The following SLC22A15 variants were observed in gnomAD, a reference collection of about 807,000 sequenced individuals.
The protein encoded by SLC22A15 is solute carrier family 22 member 15, also known as flipt 1.
In SLC22A15, 45 loss-of-function variants were observed where a neutral mutation model predicts 62.7. The observed-to-expected ratio is 0.72, with a 90% confidence interval of 0.56 to 0.92. The LOEUF (loss-of-function observed/expected upper bound fraction) is 0.92, where lower values mean the gene tolerates loss of function less well. Ranked by LOEUF, SLC22A15 falls within the 40% of genes least tolerant of loss-of-function variation. The probability of loss-of-function intolerance (pLI) is 0.00; values close to 1 mark genes in which losing one functional copy is unlikely to be tolerated. For missense variants in SLC22A15, 622 were observed against 665.6 expected (o/e 0.93, Z 0.72); for synonymous variants, 264 against 267.0 (o/e 0.99, Z 0.11).
At chr1:116,004,287 C>A (rs1419585602) in intron 2 of SLC22A15, among the ~76,000 whole-genome samples, 4 of 152,160 alleles carry the variant, frequency 2.6e-5, no homozygotes, top group African/African-American at 9.7e-5. Context: ...TTTGGTAATA[C>A]TTTCTTTTGT....
At chr1:116,037,429 T>C in intron 8 of SLC22A15, 41 bp downstream of exon 8, 1 of 1,367,414 alleles carries the variant, frequency 7.3e-7, no homozygotes. Flanking sequence ...GAACAGTACT[T>C]TCATTACAAT....
chr1:115,993,566 G>A (rs556831636), intron 2 of SLC22A15, among the ~76,000 whole-genome samples: 1 of 152,176 alleles, frequency 6.6e-6, no homozygotes, highest in South Asian at 2.1e-4. Flanking sequence ...CTAAAAAAAG[G>A]GGAGACATGC....
chr1:116,060,880 AG>A (rs1415043415), intron 8 of SLC22A15, among the ~76,000 whole-genome samples: 8 of 152,220 alleles, frequency 5.3e-5, no homozygotes, highest in Non-Finnish European at 1.2e-4. Context: ...GAAGAGTTTG[AG>A]AAAGCAGCTC....
intron 8 of SLC22A15, among the ~76,000 whole-genome samples, chr1:116,054,550 G>A (rs888295209): frequency 2.6e-5 from 4 of 152,162 alleles, no homozygotes; most frequent in African/African-American, 9.7e-5. Context: ...TCTGCACCAA[G>A]CTGACCTAAT....
chr1:116,057,505 C>G (rs1216176695), intron 8 of SLC22A15, among the ~76,000 whole-genome samples: 3 of 152,150 alleles, frequency 2.0e-5, no homozygotes, highest in Non-Finnish European at 4.4e-5. Flanking sequence ...GTGGCGATTC[C>G]TCAGGGATCT....
rs1418856581 is a variant in SLC22A15, at chr1:116,060,225, G to A, written c.1172-2537G>A. ...TCTCATAACCAAAACTGTCTGAAAT[G>A]GACATGGGCTATTTTGAGGAAAAAG... On this transcript the variant is annotated intron_variant, in intron 8 of 11. Transcript: ENST00000369503. Among the ~76,000 whole-genome samples the A allele has an allele frequency of 1.8e-4, 28 of 152,224 alleles. 1 individual carries two copies. Among genetic ancestry groups the A allele is most frequent in the Non-Finnish European group, 1.5e-5 (1 of 68,046 alleles).
chr1:116,027,687 G>A (rs1271030997), intron 5 of SLC22A15, among the ~76,000 whole-genome samples: 1 of 151,860 alleles, frequency 6.6e-6, no homozygotes, highest in Non-Finnish European at 1.5e-5. Context: ...GTGCAATGGT[G>A]TGATCTCGGC....
intron 8 of SLC22A15, among the ~76,000 whole-genome samples, chr1:116,055,554 A>G (rs1390091775): frequency 6.7e-6 from 1 of 148,900 alleles, no homozygotes; most frequent in Admixed American, 6.7e-5. Context: ...AAGTCATTTT[A>G]TGAGGCCAGC....
intron 2 of SLC22A15, chr1:116,013,913 C>T (rs1314309839): frequency 1.3e-5 from 2 of 152,296 alleles, no homozygotes; most frequent in Admixed American, 6.5e-5. Flanking sequence ...AATCCTTTCT[C>T]TTCTGGAAGT....
Position 116,019,619 on chromosome 1 carries a change from C to T in SLC22A15, c.338C>T (p.Ala113Val), listed in dbSNP as rs374357507. 1.9e-6 allele frequency: 3 copies of T among 1,612,846 alleles called. No homozygotes were observed. Among genetic ancestry groups the T allele is most frequent in the Non-Finnish European group, 2.5e-6 (3 of 1,179,524 alleles). Residue 113 changes from alanine (A) to valine (V), a missense_variant, in exon 3 of 12, where the codon GCA becomes GTA. Coordinates refer to ENST00000369503, the MANE Select transcript of SLC22A15 (RefSeq NM_018420.3). ...LIANRSYKVSAASSFFFSGVF... is the reference protein window; with the variant it reads ...LIANRSYKVSVASSFFFSGVF... The stretch of plus-strand genomic sequence containing the variant: ...GCCAACAGATCCTACAAAGTCAGTG[C>T]AGCAAGCTCTTTTTTCTTCAGTGGT...
intron 4 of SLC22A15, among the ~76,000 whole-genome samples, chr1:116,026,519 C>T (rs1353300368): frequency 6.6e-6 from 1 of 152,116 alleles, no homozygotes; most frequent in Non-Finnish European, 1.5e-5. Flanking sequence ...TTGCAATAAC[C>T]TCATGACCTG....
At position 116,052,723 on chromosome 1, in the gene SLC22A15, A is replaced by G. The variant is rs911712356; in HGVS notation, c.1172-10039A>G. Reference sequence around the variant, plus strand: ...CTGAGACAAAACTTCCAGAGGAATGATCAGACAGCAGCATTCGCGGTTCAC... The same window carrying G: ...CTGAGACAAAACTTCCAGAGGAATGGTCAGACAGCAGCATTCGCGGTTCAC... On this transcript the variant is annotated intron_variant, in intron 8 of 11. Coordinates refer to ENST00000369503, the MANE Select transcript of SLC22A15 (RefSeq NM_018420.3). Among the ~76,000 whole-genome samples, 19 of 152,192 alleles carry G rather than the reference A, an allele frequency of 1.2e-4. No individual in the cohort carries two copies. In the East Asian group the frequency reaches 3.7e-3, roughly 29 times the overall value.
chr1:116,031,880 C>T, intron 6 of SLC22A15: 6 of 1,167,192 alleles, frequency 5.1e-6, no homozygotes, highest in Non-Finnish European at 6.4e-6. Flanking sequence ...CCTTCCTGCC[C>T]CTTCCCCTGC....
intron 2 of SLC22A15, among the ~76,000 whole-genome samples, chr1:115,997,305 A>C (rs1343993898): frequency 6.6e-6 from 1 of 152,060 alleles, no homozygotes; most frequent in African/African-American, 2.4e-5. Context: ...GTTCCATATA[A>C]ATTTTAGAAT....
chr1:116,064,532 GT>G, intron 10 of SLC22A15, 24 bp downstream of exon 10: 1 of 1,519,944 alleles, frequency 6.6e-7, no homozygotes, highest in Non-Finnish European at 9.1e-7. Context: ...TTCTAGTTTT[GT>G]TTTTCTTGAT....
At chr1:115,985,961 AAAG>A (rs1248534615) in intron 1 of SLC22A15, among the ~76,000 whole-genome samples, 13 of 151,554 alleles carry the variant, frequency 8.6e-5, no homozygotes, top group African/African-American at 2.7e-4. Context: ...AAAAAAAAAA[AAAG>A]AGAGAGAAAC....
intron 4 of SLC22A15, among the ~76,000 whole-genome samples, chr1:116,021,254 C>T (rs1329152672): frequency 6.6e-6 from 1 of 152,124 alleles, no homozygotes; most frequent in East Asian, 1.9e-4. Context: ...CCTTTTTATT[C>T]TAGTTTATTA....
intron 8 of SLC22A15, among the ~76,000 whole-genome samples, chr1:116,045,576 TAAA>T (rs1354430406): frequency 6.6e-6 from 1 of 151,014 alleles, no homozygotes; most frequent in East Asian, 2.0e-4. Context: ...CCGTCTCTAC[TAAA>T]AATACAAAAA....
At chr1:115,976,827 C>T in intron 1 of SLC22A15, 113 bp downstream of exon 1, 1 of 808,192 alleles carries the variant, frequency 1.2e-6, no homozygotes, top group South Asian at 1.6e-5. Flanking sequence ...GCTCTGCAAA[C>T]ACCGAGGTGT....
Sources: allele counts gnomAD v4.1 joint callset (sites outside exome capture counted in the v4.1 genomes callset), GRCh38; gene constraint gnomAD v4.1.1; transcripts MANE v1.5; gene names NCBI Gene and HGNC (gene_info 2026-07-23, HGNC 2026-07-21).